The following CDR2L variants were observed in gnomAD, a reference collection of about 807,000 sequenced individuals.
CDR2L encodes the protein cerebellar degeneration-related protein 2-like.
In CDR2L, 19 loss-of-function variants were observed where a neutral mutation model predicts 36.1. The ratio of observed to expected loss-of-function variants is 0.53; its 90% confidence interval spans 0.37 to 0.77. The LOEUF is 0.77. CDR2L is among the 30% of genes least tolerant of loss of function. The pLI is 0.00. For synonymous variants in CDR2L, 285 were observed against 280.4 expected (o/e 1.02, Z -0.16); for missense variants, 575 against 627.2 (o/e 0.92, Z 0.89).
Position 75,002,319 on chromosome 17 carries a change from C to A in CDR2L, c.506+91C>A. ...CAGCAGGGTGCAGTTGGTGCATCAT[C>A]CAGGCCATCAGAGAGACTGGTCCTG... On this transcript the variant is annotated intron_variant, in intron 4 of 4. Transcript: ENST00000337231. This position sits in a 1 kb window ranked among gnomAD's most constrained non-coding sequence, Gnocchi z 4.1. 1 of 1,179,172 alleles carries A rather than the reference C, an allele frequency of 8.5e-7. No homozygotes were observed. Among genetic ancestry groups the A allele is most frequent in the Non-Finnish European group, 1.2e-6 (1 of 831,928 alleles). 73.0% of individuals were successfully genotyped at this position (1,179,172 alleles called of 1,614,324 possible).
chr17:75,003,019 AAGGGTGGAGG>A (rs1423469551), intron 4 of CDR2L, among the ~76,000 whole-genome samples, 154 bp from the exon 5 acceptor site: 1 of 152,164 alleles, frequency 6.6e-6, no homozygotes, highest in Admixed American at 6.5e-5. Context: ...GCAGGGGGAG[AAGGGTGGAGG>A]AGGGTGGAGA....
intron 1 of CDR2L, among the ~76,000 whole-genome samples, chr17:74,996,439 G>A (rs1356611152): frequency 2.2e-4 from 14 of 64,870 alleles, no homozygotes; most frequent in Non-Finnish European, 3.5e-4. Flanking sequence ...GCGAGACTCC[G>A]TCTCAAAAAA....
chr17:74,989,144 C>A lies in CDR2L; in HGVS notation c.79+1022C>A, dbSNP rs1188189857. Among the ~76,000 whole-genome samples the A allele has an allele frequency of 6.6e-6, 1 of 152,140 alleles. No individual in the cohort carries two copies. Among genetic ancestry groups the A allele is most frequent in the Non-Finnish European group, 1.5e-5 (1 of 68,016 alleles). On this transcript the variant is annotated intron_variant, in intron 1 of 4. Transcript: ENST00000337231. The surrounding 1 kb of genome is among the most constrained non-coding windows in gnomAD (Gnocchi z 4.2). Reference sequence around the variant, plus strand: ...GTGGCCTGCTGTGGTGTGCCCACACCCTGGTCTCCATCCACAAGGCTCCAG... The same window carrying A: ...GTGGCCTGCTGTGGTGTGCCCACACACTGGTCTCCATCCACAAGGCTCCAG...
chr17:75,002,078 T>C lies in CDR2L; in HGVS notation c.356T>C (p.Ile119Thr), dbSNP rs750783305. Residue 119 changes from isoleucine to threonine, a missense_variant, in exon 4 of 5, where the codon ATT becomes ACT. By Grantham distance (89) the Ile-to-Thr change is moderately conservative. Coordinates refer to ENST00000337231, the MANE Select transcript of CDR2L (RefSeq NM_014603.3). This position sits in a 1 kb window ranked among gnomAD's most constrained non-coding sequence, Gnocchi z 4.1. Reference sequence around the variant, plus strand: ...CCCGCCCCCAGGCTGACGGAGACCATTGAGCGCCTCCAGGCTCAGGTGGAG... The same window carrying C: ...CCCGCCCCCAGGCTGACGGAGACCACTGAGCGCCTCCAGGCTCAGGTGGAG... ...QQKIHGLTETIERLQAQVEEL... is the reference protein window; with the variant it reads ...QQKIHGLTETTERLQAQVEEL... 1.8e-5 allele frequency: 28 copies of C among 1,595,140 alleles called. No homozygotes were observed. The highest frequency in any genetic ancestry group is 7.1e-5 in the Admixed American group (4 of 56,684).
intron 1 of CDR2L, among the ~76,000 whole-genome samples, chr17:74,990,767 A>G (rs2039791785): frequency 6.6e-6 from 1 of 152,220 alleles, no homozygotes; most frequent in African/African-American, 2.4e-5. Flanking sequence ...GGGGCCAGGC[A>G]TGGAGAGCTG....
At chr17:74,991,892 C>G (rs1035624196) in intron 1 of CDR2L, among the ~76,000 whole-genome samples, 1 of 152,112 alleles carries the variant, frequency 6.6e-6, no homozygotes, top group Non-Finnish European at 1.5e-5. Context: ...CCCGTGCTGT[C>G]CCCGCCTGCC....
Position 75,002,324 on chromosome 17 carries a change from C to A in CDR2L, c.506+96C>A. 8.9e-7 allele frequency: 1 copy of A among 1,119,646 alleles called. No individual in the cohort carries two copies. The highest frequency in any genetic ancestry group is 1.4e-5 in the South Asian group (1 of 70,252). 69.4% of individuals were successfully genotyped at this position (1,119,646 alleles called of 1,614,324 possible). A position where few individuals can be genotyped will look rare whatever the true frequency, so the allele number is the denominator to read the frequency against. On this transcript the variant is annotated intron_variant, in intron 4 of 4. Coordinates refer to ENST00000337231, the MANE Select transcript of CDR2L (RefSeq NM_014603.3). This position sits in a 1 kb window ranked among gnomAD's most constrained non-coding sequence, Gnocchi z 4.1. ...GGGTGCAGTTGGTGCATCATCCAGGCCATCAGAGAGACTGGTCCTGTTGCT... is the reference window on the plus strand; with the variant it reads ...GGGTGCAGTTGGTGCATCATCCAGGACATCAGAGAGACTGGTCCTGTTGCT...
rs922765751 is a variant in CDR2L at position 75,002,799 on chromosome 17, C to T, written c.507-384C>T. Among the ~76,000 whole-genome samples, 3 of 152,080 alleles carry T rather than the reference C, an allele frequency of 2.0e-5. No homozygotes were observed. The highest frequency in any genetic ancestry group is 4.4e-5 in the Non-Finnish European group (3 of 68,012). On this transcript the variant is annotated intron_variant, in intron 4 of 4. Transcript: ENST00000337231. This position sits in a 1 kb window ranked among gnomAD's most constrained non-coding sequence, Gnocchi z 4.1. ...CTGCCACCAGCCCTAGGCCTCAAAG[C>T]GCAAGGGGGAAGGGAGGTTACCGGC...
At chr17:75,003,041 C>G in intron 4 of CDR2L, 142 bp from the exon 5 acceptor site, 1 of 860,970 alleles carries the variant, frequency 1.2e-6, no homozygotes, top group Non-Finnish European at 1.8e-6. Flanking sequence ...GGGTGGAGAG[C>G]CAACGGAGAG....
intron 1 of CDR2L, among the ~76,000 whole-genome samples, chr17:74,993,534 CTT>C (rs1279290544): frequency 1.3e-5 from 2 of 152,202 alleles, no homozygotes; most frequent in Non-Finnish European, 2.9e-5. Context: ...TACCTCCAGA[CTT>C]TTGCCCAACT....
chr17:74,999,536 C>G lies in CDR2L; in HGVS notation c.112C>G (p.Leu38Val), dbSNP rs773824957. The G allele has an allele frequency of 2.5e-6, 4 of 1,585,924 alleles. No individual in the cohort carries two copies. The highest frequency in any genetic ancestry group is 3.4e-6 in the Non-Finnish European group (4 of 1,166,370). ...LHLAAELGKT[L>V]LERNKELEGS... ...CCTAGCTGCGGAGCTGGGGAAGACTCTGCTGGAGAGGAACAAGGAGCTGGA... is the reference window on the plus strand; with the variant it reads ...CCTAGCTGCGGAGCTGGGGAAGACTGTGCTGGAGAGGAACAAGGAGCTGGA... Residue 38 changes from leucine (L) to valine (V), a missense_variant, in exon 2 of 5, where the codon CTG becomes GTG. Leu to Val is a conservative substitution (Grantham distance 32, BLOSUM62 1). Coordinates refer to ENST00000337231, the MANE Select transcript of CDR2L (RefSeq NM_014603.3).
intron 1 of CDR2L, among the ~76,000 whole-genome samples, chr17:74,988,333 TG>T (rs2039776357): frequency 6.6e-6 from 1 of 150,848 alleles, no homozygotes. Context: ...CCTGCAAAAG[TG>T]GGGGGCGGGG....
At position 75,002,311 on chromosome 17, in the gene CDR2L, T is replaced by C; in HGVS notation, c.506+83T>C. On this transcript the variant is annotated intron_variant, in intron 4 of 4. Coordinates refer to ENST00000337231, the MANE Select transcript of CDR2L (RefSeq NM_014603.3). This position sits in a 1 kb window ranked among gnomAD's most constrained non-coding sequence, Gnocchi z 4.1. Reference sequence around the variant, plus strand: ...GCAGCAGGCAGCAGGGTGCAGTTGGTGCATCATCCAGGCCATCAGAGAGAC... The same window carrying C: ...GCAGCAGGCAGCAGGGTGCAGTTGGCGCATCATCCAGGCCATCAGAGAGAC... 7.8e-7 allele frequency: 1 copy of C among 1,276,040 alleles called. No individual in the cohort carries two copies. The highest frequency in any genetic ancestry group is 1.3e-5 in the South Asian group (1 of 75,706). The allele number at this position is 1,276,040 out of a possible 1,614,324, so 79.0% of individuals were successfully genotyped here.
At chr17:74,991,931 A>G (rs1426080312) in intron 1 of CDR2L, among the ~76,000 whole-genome samples, 1 of 152,004 alleles carries the variant, frequency 6.6e-6, no homozygotes, top group African/African-American at 2.4e-5. Flanking sequence ...CAGCCTCAGG[A>G]GAGCTCTGAC....
rs2144852631 is a variant in CDR2L at position 74,987,805 on chromosome 17, G to C, written c.-239G>C. On this transcript the variant is annotated 5_prime_UTR_variant, in exon 1 of 5. Coordinates refer to ENST00000337231, the MANE Select transcript of CDR2L (RefSeq NM_014603.3). ...CGCCGTCCCTGCCACTCCACCCTTTGTGTCGCCGCAGCCCGGTGCCCCCGG... is the reference window on the plus strand; with the variant it reads ...CGCCGTCCCTGCCACTCCACCCTTTCTGTCGCCGCAGCCCGGTGCCCCCGG... 1 of 225,972 alleles carries C rather than the reference G, an allele frequency of 4.4e-6. No individual in the cohort carries two copies. Among genetic ancestry groups the C allele is most frequent in the East Asian group, 1.0e-4 (1 of 10,024 alleles). The allele number at this position is 225,972 out of a possible 1,614,324, so 14.0% of individuals were successfully genotyped here.
chr17:74,988,456 G>GCTA (rs1209941264), intron 1 of CDR2L, among the ~76,000 whole-genome samples: 1 of 152,228 alleles, frequency 6.6e-6, no homozygotes, highest in Non-Finnish European at 1.5e-5. Flanking sequence ...GGGCCTGAGC[G>GCTA]CTAGCTAGGA....
chr17:74,991,987 G>A (rs947493190), intron 1 of CDR2L, among the ~76,000 whole-genome samples: 1 of 152,178 alleles, frequency 6.6e-6, no homozygotes, highest in Non-Finnish European at 1.5e-5. Context: ...TTACCCCAAA[G>A]GTGACCTGAC....
At chr17:74,988,208 G>A in intron 1 of CDR2L, 86 bp downstream of exon 1, 1 of 1,030,348 alleles carries the variant, frequency 9.7e-7, no homozygotes, top group Non-Finnish European at 1.4e-6. Flanking sequence ...CTATCACCCC[G>A]GGAGGGGCTG....
In CDR2L at chr17:74,996,635, A is replaced by T. The variant is rs569058823; in HGVS notation, c.80-2869A>T. On this transcript the variant is annotated intron_variant, in intron 1 of 4. Coordinates refer to ENST00000337231, the MANE Select transcript of CDR2L (RefSeq NM_014603.3). The stretch of plus-strand genomic sequence containing the variant: ...TCTCTCTACCCGCCCATCCCCCACA[A>T]CATCCCCCTAAAAACAGACAGATTC... 9.9e-5 allele frequency among the ~76,000 whole-genome samples: 15 copies of T among 151,890 alleles called. No individual in the cohort carries two copies. In the South Asian group the frequency reaches 2.9e-3, roughly 30 times the overall value.
Sources: gnomAD v4.1 joint callset for allele counts (sites outside exome capture counted in the v4.1 genomes callset) on GRCh38, gnomAD v4.1.1 for gene constraint, Gnocchi (gnomAD v3.1) non-coding constraint, MANE v1.5 for transcripts, NCBI Gene and HGNC (gene_info 2026-07-23, HGNC 2026-07-21) for gene names.